Variants in ARPC3 observed in about 807,000 individuals in gnomAD.
ARPC3 encodes actin-related protein 2/3 complex subunit 3.
Under a neutral mutation model 27.6 loss-of-function variants are expected in ARPC3, and 12 were observed. The observed-to-expected ratio is 0.43, with a 90% CI of 0.28 to 0.70. The LOEUF is 0.70. Ranked by LOEUF, ARPC3 falls within the 30% of genes least tolerant of loss-of-function variation. ARPC3 has a pLI of 0.17. For synonymous variants in ARPC3, 53 were observed against 67.2 expected (o/e 0.79, Z 1.03); for missense variants, 153 against 207.7 (o/e 0.74, Z 1.62).
chr12:110,440,183 G>A, intron 3 of ARPC3, 129 bp downstream of exon 3: 1 of 700,914 alleles, frequency 1.4e-6, no homozygotes, highest in Non-Finnish European at 2.6e-6. Flanking sequence ...CTAACATTAA[G>A]CACTGCTCTC....
intron 1 of ARPC3, among the ~76,000 whole-genome samples, chr12:110,447,799 C>T (rs771843190): frequency 1.7e-4 from 26 of 151,834 alleles, no homozygotes; most frequent in Non-Finnish European, 3.2e-4. Flanking sequence ...CAAACCCCTC[C>T]CCCCAAAAAA....
intron 6 of ARPC3, among the ~76,000 whole-genome samples, chr12:110,435,553 A>T (rs2062398506): frequency 6.6e-6 from 1 of 151,994 alleles, no homozygotes. Context: ...GATGGTCTCA[A>T]TCTCCTGACC....
rs866043743 is a variant in ARPC3 at position 110,436,755 on chromosome 12, T to A, written c.253-72A>T. On this transcript the variant is annotated intron_variant, in intron 4 of 6. Coordinates refer to ENST00000228825, the MANE Select transcript of ARPC3 (RefSeq NM_001278556.2). ...ACACACACACACACACACACACACA[T>A]ATTTTACAGGGAAAAGAAGAATTCT... The A allele has an allele frequency of 4.3e-5, 44 of 1,019,636 alleles. No homozygotes were observed. In the East Asian group the frequency reaches 1.1e-3, roughly 25 times the overall value. 63.2% of individuals were successfully genotyped at this position (1,019,636 alleles called of 1,614,324 possible).
intron 1 of ARPC3, among the ~76,000 whole-genome samples, chr12:110,449,429 G>A (rs1230113253): frequency 1.3e-5 from 2 of 151,988 alleles, no homozygotes; most frequent in African/African-American, 4.8e-5. Context: ...GGGCGTGGTG[G>A]CGCGCGCCTG....
At chr12:110,442,482 C>T (rs2062443185) in intron 2 of ARPC3, among the ~76,000 whole-genome samples, 1 of 152,144 alleles carries the variant, frequency 6.6e-6, no homozygotes, top group Non-Finnish European at 1.5e-5. Flanking sequence ...GTGGTACGTG[C>T]CTGTAATCCC....
intron 4 of ARPC3, 129 bp downstream of exon 4, chr12:110,436,955 T>C: frequency 1.3e-6 from 1 of 775,586 alleles, no homozygotes; most frequent in Non-Finnish European, 2.2e-6. Context: ...TTCTCTTAAG[T>C]CCATGCTGTA....
rs748680325 is a variant in ARPC3, at chr12:110,436,644, G to C, written c.292C>G (p.Leu98Val). 3 of 1,608,996 alleles carry C rather than the reference G, an allele frequency of 1.9e-6. No individual in the cohort carries two copies. The change falls in exon 5 of 7, where the codon CTG (leucine) becomes GTG (valine). Residue 98 changes from leucine (L) to valine (V), a missense_variant. Leu to Val is a conservative substitution (Grantham distance 32). Coordinates refer to ENST00000228825, the MANE Select transcript of ARPC3 (RefSeq NM_001278556.2). ...KSQGEKEMYT[L>V]GITNFPIPGE... Reference sequence around the variant, plus strand: ...GGAATGGGAAAATTAGTGATTCCCAGCGTATACATTTCTTTCTCACCTTGG... The same window carrying C: ...GGAATGGGAAAATTAGTGATTCCCACCGTATACATTTCTTTCTCACCTTGG...
intron 2 of ARPC3, among the ~76,000 whole-genome samples, chr12:110,442,081 C>T (rs1208059269): frequency 6.6e-6 from 1 of 151,342 alleles, no homozygotes; most frequent in East Asian, 1.9e-4. Flanking sequence ...ACTATGTTGC[C>T]TAGGCTGGTC....
At chr12:110,444,862 A>C (rs969037639) in intron 2 of ARPC3, 6 of 156,506 alleles carry the variant, frequency 3.8e-5, no homozygotes, top group Admixed American at 3.1e-4. Flanking sequence ...GTACAGGGAA[A>C]CCATGTCTAA....
rs1389467698 is a variant in ARPC3, at chr12:110,444,999, T to TTACA, written c.106+449_106+452dup. On this transcript the variant is annotated intron_variant, in intron 2 of 6. Coordinates refer to ENST00000228825, the MANE Select transcript of ARPC3 (RefSeq NM_001278556.2). ...AAAGCGGGAATAGACGTAAGTAATG[T>TTACA]TACATAGTACACTTCAGATTTAAGA... The TTACA allele has an allele frequency of 4.9e-5, 9 of 184,724 alleles. No individual in the cohort carries two copies. In the East Asian group the frequency reaches 1.4e-3, roughly 28 times the overall value. The allele number at this position is 184,724 out of a possible 1,614,324, so 11.4% of individuals were successfully genotyped here.
At chr12:110,448,782 G>GC (rs1051413286) in intron 1 of ARPC3, among the ~76,000 whole-genome samples, 1 of 108,434 alleles carries the variant, frequency 9.2e-6, no homozygotes, top group Admixed American at 8.3e-5. Flanking sequence ...TTTTTCCGGG[G>GC]GGGGGGGGGG....
rs569054766 is a variant in ARPC3, at chr12:110,450,299, C to A, written c.-39G>T. On this transcript the variant is annotated 5_prime_UTR_variant, in exon 1 of 7. Transcript: ENST00000228825. ...GGGTTTCAACCCAGAGGAGCAGGAT[C>A]CAGGTACAGCGGAGCGCTTCCGGTC... The A allele has an allele frequency of 1.9e-6, 3 of 1,613,804 alleles. No individual in the cohort carries two copies. The highest frequency in any genetic ancestry group is 1.1e-5 in the South Asian group (1 of 91,052).
At chr12:110,438,173 G>A (rs1348579746) in intron 3 of ARPC3, among the ~76,000 whole-genome samples, 1 of 151,924 alleles carries the variant, frequency 6.6e-6, no homozygotes. Context: ...GCGTGCGCCT[G>A]TAATCCCAGC....
At position 110,448,059 on chromosome 12, in the gene ARPC3, T is replaced by G. The variant is rs556826059; in HGVS notation, c.6+2196A>C. ...ACATCCAGCTAATTTATTTTTATTT[T>G]TGTAGAGGCAGGGTCTCATTATGTT... On this transcript the variant is annotated intron_variant, in intron 1 of 6. Transcript: ENST00000228825. Among the ~76,000 whole-genome samples, 3 of 152,016 alleles carry G rather than the reference T, an allele frequency of 2.0e-5. No homozygotes were observed. In the South Asian group the frequency reaches 6.2e-4, roughly 32 times the overall value.
chr12:110,448,384 T>C (rs1358970672), intron 1 of ARPC3, among the ~76,000 whole-genome samples: 3 of 152,086 alleles, frequency 2.0e-5, no homozygotes, highest in Non-Finnish European at 4.4e-5. Context: ...TCATAAAATA[T>C]GCATTTGTGA....
At chr12:110,445,421 C>A (rs767056559) in intron 2 of ARPC3, 31 bp downstream of exon 2, 17 of 1,529,440 alleles carry the variant, frequency 1.1e-5, no homozygotes, top group Non-Finnish European at 1.5e-5. Context: ...CATTTCGTAC[C>A]AAAATTTGAA....
chr12:110,442,237 A>G (rs906773021), intron 2 of ARPC3, among the ~76,000 whole-genome samples: 1 of 152,144 alleles, frequency 6.6e-6, no homozygotes, highest in Non-Finnish European at 1.5e-5. Flanking sequence ...CATTTGGTGA[A>G]CATTATTCAA....
chr12:110,436,088 G>A, intron 6 of ARPC3, 22 bp downstream of exon 6: 1 of 1,567,094 alleles, frequency 6.4e-7, no homozygotes, highest in Non-Finnish European at 8.8e-7. Context: ...TACCAATTAA[G>A]CAGGCAAGAA....
chr12:110,436,745 C>A, intron 4 of ARPC3, 62 bp from the exon 5 acceptor site: 1 of 1,123,820 alleles, frequency 8.9e-7, no homozygotes, highest in Non-Finnish European at 1.3e-6. Context: ...CACACACACA[C>A]ACACACACAT....
Sources: allele counts gnomAD v4.1 joint callset (sites outside exome capture counted in the v4.1 genomes callset), GRCh38; gene constraint gnomAD v4.1.1; transcripts MANE v1.5; gene names NCBI Gene and HGNC (gene_info 2026-07-23, HGNC 2026-07-21).